The following FBXL17 variants were observed in gnomAD, a reference collection of about 807,000 sequenced individuals.
FBXL17 encodes the protein F-box and leucine rich repeat protein 17, also known as F-box/LRR-repeat protein 17.
In FBXL17, 22 loss-of-function variants were observed where a neutral mutation model predicts 66.2. The ratio of observed to expected loss-of-function variants is 0.33; its 90% CI spans 0.24 to 0.47. The LOEUF is 0.47. Among genes scored for constraint, FBXL17 ranks in the 20% least tolerant of loss-of-function variants. FBXL17 has a pLI of 1.00. For synonymous variants in FBXL17, 474 were observed against 400.5 expected (o/e 1.18, Z -2.19); for missense variants, 878 against 948.2 (o/e 0.93, Z 0.97).
chr5:107,996,855 A>G (rs1437247708), intron 7 of FBXL17, among the ~76,000 whole-genome samples: 1 of 152,210 alleles, frequency 6.6e-6, no homozygotes, highest in Non-Finnish European at 1.5e-5. Context: ...CTTTAAGCAG[A>G]TAGTAATTTT....
intron 4 of FBXL17, among the ~76,000 whole-genome samples, chr5:108,292,714 T>A (rs1758165424): frequency 6.6e-6 from 1 of 152,218 alleles, no homozygotes; most frequent in Non-Finnish European, 1.5e-5. Flanking sequence ...CACATTTTAA[T>A]TCTCCATTAA....
chr5:108,368,322 G>C (rs1748807450), intron 1 of FBXL17, among the ~76,000 whole-genome samples: 1 of 151,654 alleles, frequency 6.6e-6, no homozygotes, highest in Non-Finnish European at 1.5e-5. Flanking sequence ...AGGGAAGAAA[G>C]AGTGATAAAC....
chr5:108,097,395 A>G (rs1316981555), intron 6 of FBXL17, among the ~76,000 whole-genome samples: 2 of 152,252 alleles, frequency 1.3e-5, no homozygotes, highest in Non-Finnish European at 2.9e-5. Flanking sequence ...TGCCACTATG[A>G]AAGTTGGACA....
intron 7 of FBXL17, among the ~76,000 whole-genome samples, chr5:107,935,285 G>C (rs1243972428): frequency 1.3e-5 from 2 of 152,064 alleles, no homozygotes; most frequent in Non-Finnish European, 2.9e-5. Context: ...TACAGCAAAA[G>C]TACCTAAGTG....
At chr5:108,212,011 TC>T (rs1754395188) in intron 5 of FBXL17, among the ~76,000 whole-genome samples, 2 of 152,094 alleles carry the variant, frequency 1.3e-5, no homozygotes, top group Admixed American at 1.3e-4. Flanking sequence ...TATTTCTTGT[TC>T]CTTTGTTCGT....
chr5:107,906,575 A>G (rs1445781521), intron 7 of FBXL17, among the ~76,000 whole-genome samples: 2 of 152,174 alleles, frequency 1.3e-5, no homozygotes, highest in South Asian at 2.1e-4. Flanking sequence ...GACCCAGTTA[A>G]TAAGAAGTAG....
At chr5:108,082,860 A>G (rs956166376) in intron 6 of FBXL17, among the ~76,000 whole-genome samples, 5 of 152,216 alleles carry the variant, frequency 3.3e-5, no homozygotes, top group African/African-American at 1.2e-4. Flanking sequence ...CTAAAGTGAA[A>G]ATAGTTGAAT....
intron 8 of FBXL17, among the ~76,000 whole-genome samples, chr5:107,863,868 A>C (rs1203423117): frequency 1.3e-5 from 2 of 152,306 alleles, no homozygotes; most frequent in Middle Eastern, 3.4e-3. Flanking sequence ...AGGTTGAGTT[A>C]GGCACCCCTT....
At chr5:108,074,858 C>T (rs551828829) in intron 6 of FBXL17, among the ~76,000 whole-genome samples, 1 of 152,304 alleles carries the variant, frequency 6.6e-6, no homozygotes, top group South Asian at 2.1e-4. Context: ...TTGGAGGTAG[C>T]TGACAGCAGT....
At chr5:108,231,996 G>T (rs1045746421) in intron 4 of FBXL17, among the ~76,000 whole-genome samples, 4 of 152,164 alleles carry the variant, frequency 2.6e-5, no homozygotes, top group Admixed American at 2.0e-4. Flanking sequence ...ACCTGCTGAG[G>T]TGCTTGCTGA....
chr5:108,182,385 C>T (rs1336941066), intron 6 of FBXL17, among the ~76,000 whole-genome samples: 2 of 152,104 alleles, frequency 1.3e-5, no homozygotes, highest in Non-Finnish European at 2.9e-5. Flanking sequence ...AATATAACTA[C>T]AAATATTACT....
rs116043608 is a variant in FBXL17, at chr5:108,281,431, T to G, written c.1507-57203A>C. Among the ~76,000 whole-genome samples the G allele has an allele frequency of 5.3e-3, 802 of 152,042 alleles. 10 individuals are homozygous for G. Among genetic ancestry groups the G allele is most frequent in the African/African-American group, 0.018 (761 of 41,540 alleles). ...GGAAATTACACAACATACTCCTGAA[T>G]GAACACTGGGTCAATGAAGAAATTA... On this transcript the variant is annotated intron_variant, in intron 4 of 8. Transcript: ENST00000542267.
At chr5:108,042,866 G>A (rs1747105163) in intron 6 of FBXL17, among the ~76,000 whole-genome samples, 1 of 152,132 alleles carries the variant, frequency 6.6e-6, no homozygotes, top group Non-Finnish European at 1.5e-5. Context: ...ATATATGAGT[G>A]ATCCAGTTTC....
intron 4 of FBXL17, among the ~76,000 whole-genome samples, chr5:108,275,260 C>T (rs1757438756): frequency 6.6e-6 from 1 of 152,188 alleles, no homozygotes; most frequent in South Asian, 2.1e-4. Flanking sequence ...CGACACAAGA[C>T]TCCAACAGAA....
At chr5:108,284,365 TCA>T (rs1172128551) in intron 4 of FBXL17, among the ~76,000 whole-genome samples, 63 of 151,968 alleles carry the variant, frequency 4.1e-4, no homozygotes, top group African/African-American at 1.4e-3. Flanking sequence ...AAAATACTAC[TCA>T]GTCACAAAAA....
intron 6 of FBXL17, among the ~76,000 whole-genome samples, chr5:108,025,719 G>T (rs909337534): frequency 9.6e-6 from 1 of 104,078 alleles, no homozygotes. Context: ...ACACACACAC[G>T]CGCGCGCGCA....
chr5:107,871,057 C>CAAAAAAAAAATAAAAAA (rs1459556816), intron 8 of FBXL17, among the ~76,000 whole-genome samples: 1 of 65,892 alleles, frequency 1.5e-5, no homozygotes, highest in Non-Finnish European at 2.7e-5. Context: ...TCTTGGGCGG[C>CAAAAAAAAAATAAAAAA]AAAAAAAAAA....
At chr5:107,879,242 G>A (rs1238303732) in intron 8 of FBXL17, 7 of 984,912 alleles carry the variant, frequency 7.1e-6, no homozygotes, top group Non-Finnish European at 8.4e-6. Context: ...ACATATGTAT[G>A]AATGTGTACA....
At position 108,332,760 on chromosome 5, in the gene FBXL17, A is replaced by C. The variant is rs182381272; in HGVS notation, c.1506+15639T>G. 2.4e-3 allele frequency among the ~76,000 whole-genome samples: 368 copies of C among 151,980 alleles called. 4 individuals carry two copies. Among genetic ancestry groups the C allele is most frequent in the Admixed American group, 0.022 (343 of 15,262 alleles). ...GTAGCTGGGATTATGGTTGTGCACC[A>C]TCATGTCCAGCTAATTCTTGTATTT... On this transcript the variant is annotated intron_variant, in intron 4 of 8. Coordinates refer to ENST00000542267, the MANE Select transcript of FBXL17 (RefSeq NM_001163315.3).
Sources: gnomAD v4.1 joint callset for allele counts (sites outside exome capture counted in the v4.1 genomes callset) on GRCh38, gnomAD v4.1.1 for gene constraint, MANE v1.5 for transcripts, NCBI Gene and HGNC (gene_info 2026-07-23, HGNC 2026-07-21) for gene names.